RGPD2: variants seen among roughly 807,000 people sequenced by gnomAD.
RGPD2 encodes the protein RANBP2 like and GRIP domain containing 2, also known as RANBP2-like and GRIP domain-containing protein 2.
A neutral mutation model predicts 36.0 loss-of-function variants in RGPD2; 2 were observed. That is an observed-to-expected ratio of 0.06 (90% CI 0.02 to 0.17). The LOEUF (loss-of-function observed/expected upper bound fraction) is 0.17. Among genes scored for constraint, RGPD2 ranks in the 10% least tolerant of loss-of-function variants. The probability of loss-of-function intolerance (pLI) is 1.00; values close to 1 mark genes in which losing one functional copy is unlikely to be tolerated. For missense variants in RGPD2, 40 were observed against 464.3 expected, an observed-to-expected ratio of 0.09 and a Z score of 8.40; for synonymous variants, 19 against 163.8, an observed-to-expected ratio of 0.12 and a Z score of 6.75.
At chr2:87,769,481 G>T (rs1289601488) in intron 22 of RGPD2, among the ~76,000 whole-genome samples, 31 of 148,512 alleles carry the variant, frequency 2.1e-4, no homozygotes, top group Non-Finnish European at 1.5e-5. Context: ...TTTCTAATGT[G>T]TATCTCCTCT....
the RGPD2 span, among the ~76,000 whole-genome samples, chr2:87,940,340 G>C: frequency 6.6e-6 from 1 of 150,972 alleles, no homozygotes; most frequent in African/African-American, 2.4e-5. Context: ...CCAAAGCAAA[G>C]TTCTTTGCTA....
At chr2:87,972,572 C>A in the RGPD2 span, 2 of 859,082 alleles carry the variant, frequency 2.3e-6, no homozygotes, top group Non-Finnish European at 3.5e-6. Context: ...GGGCAGGGAC[C>A]ATGGCAGTGG....
chr2:87,911,661 G>A, the RGPD2 span, among the ~76,000 whole-genome samples: 1 of 152,012 alleles, frequency 6.6e-6, no homozygotes, highest in African/African-American at 2.4e-5. Flanking sequence ...TTGACTAACA[G>A]GAGTGTTTGA....
the RGPD2 span, among the ~76,000 whole-genome samples, chr2:87,936,359 G>A: frequency 8.8e-5 from 13 of 148,184 alleles, no homozygotes; most frequent in Admixed American, 2.7e-4. Flanking sequence ...AGGTAATCAT[G>A]GTATTGTTTC....
the RGPD2 span, among the ~76,000 whole-genome samples, chr2:87,892,271 TTGA>T: frequency 6.8e-6 from 1 of 147,110 alleles, no homozygotes; most frequent in Non-Finnish European, 1.5e-5. Flanking sequence ...AAGGCATTTC[TTGA>T]GATTATGCAT....
At position 87,789,854 on chromosome 2, in the gene RGPD2, G is replaced by A. The variant is rs1298375590; in HGVS notation, c.2464-1015C>T. Among the ~76,000 whole-genome samples, 3 of 151,608 alleles carry A rather than the reference G, an allele frequency of 2.0e-5. No homozygotes were observed. In the East Asian group the frequency reaches 5.8e-4, roughly 30 times the overall value. ...AGAGAAAGGGATGCAGGGAATAACA[G>A]CTGGAATTTGAACCACATCTGACTC... On this transcript the variant is annotated intron_variant, in intron 17 of 22. Coordinates refer to ENST00000398146, the MANE Select transcript of RGPD2 (RefSeq NM_001078170.3).
the RGPD2 span, among the ~76,000 whole-genome samples, chr2:87,875,369 G>A: frequency 9.3e-4 from 141 of 150,966 alleles, no homozygotes; most frequent in African/African-American, 3.2e-3. Flanking sequence ...CTATTTTGAG[G>A]TATGTTCCTT....
the RGPD2 span, among the ~76,000 whole-genome samples, chr2:87,938,373 G>A: frequency 4.6e-5 from 7 of 150,658 alleles, no homozygotes; most frequent in South Asian, 6.3e-4. Flanking sequence ...AATAAATGAC[G>A]AAAATCTTGA....
the RGPD2 span, among the ~76,000 whole-genome samples, chr2:87,934,576 A>G: frequency 2.6e-5 from 4 of 151,352 alleles, 1 homozygote; most frequent in South Asian, 8.3e-4. Context: ...TTATTTAGAC[A>G]GTTATTTGAT....
chr2:87,977,536 A>G, the RGPD2 span, among the ~76,000 whole-genome samples: 3 of 151,148 alleles, frequency 2.0e-5, no homozygotes, highest in African/African-American at 7.4e-5. Flanking sequence ...GTACAAGGCC[A>G]GGCGTGGTGG....
At chr2:87,964,539 A>G in the RGPD2 span, among the ~76,000 whole-genome samples, 1 of 152,086 alleles carries the variant, frequency 6.6e-6, no homozygotes, top group Non-Finnish European at 1.5e-5. Flanking sequence ...TTTCTGCATC[A>G]TTTTTCTTTT....
the RGPD2 span, among the ~76,000 whole-genome samples, chr2:87,843,822 A>C: frequency 6.6e-6 from 1 of 151,932 alleles, no homozygotes; most frequent in Non-Finnish European, 1.5e-5. Flanking sequence ...CAAATGTCCA[A>C]CAATGATAGA....
At chr2:87,864,458 A>G in the RGPD2 span, among the ~76,000 whole-genome samples, 4 of 152,350 alleles carry the variant, frequency 2.6e-5, no homozygotes, top group South Asian at 4.1e-4. Flanking sequence ...GACTGAAACT[A>G]TACCACTCTC....
the RGPD2 span, among the ~76,000 whole-genome samples, chr2:87,988,446 C>T: frequency 1.6e-5 from 2 of 123,934 alleles, no homozygotes; most frequent in Non-Finnish European, 3.4e-5. Flanking sequence ...ATTAAATATG[C>T]CAAGAATTAT....
At chr2:87,852,701 C>T in the RGPD2 span, among the ~76,000 whole-genome samples, 1,343 of 148,268 alleles carry the variant, frequency 9.1e-3, no homozygotes, top group African/African-American at 0.021. Flanking sequence ...GTTTCTACTG[C>T]GCAGAATGTT....
At chr2:87,886,388 C>G in the RGPD2 span, among the ~76,000 whole-genome samples, 32,286 of 150,698 alleles carry the variant, frequency 0.21, 3,733 homozygotes, top group Non-Finnish European at 0.26. Context: ...ATCAACTACA[C>G]TACCTATTGC....
the RGPD2 span, among the ~76,000 whole-genome samples, chr2:87,882,177 T>C: frequency 2.0e-5 from 3 of 152,276 alleles, no homozygotes; most frequent in African/African-American, 7.2e-5. Flanking sequence ...CGAAACTATG[T>C]TAAATGTCAC....
the RGPD2 span, among the ~76,000 whole-genome samples, chr2:87,846,659 T>TA: frequency 3.9e-5 from 6 of 152,182 alleles, no homozygotes; most frequent in South Asian, 1.2e-3. Flanking sequence ...CCAAAAGCCT[T>TA]AAACATCTGG....
chr2:87,988,541 A>ATATATTTTT, the RGPD2 span, among the ~76,000 whole-genome samples: 12 of 54,150 alleles, frequency 2.2e-4, no homozygotes, highest in African/African-American at 4.4e-4. Flanking sequence ...ATATATATAT[A>ATATATTTTT]TTTTTTTTTT....
Sources: gnomAD v4.1 joint callset for allele counts (sites outside exome capture counted in the v4.1 genomes callset) on GRCh38, gnomAD v4.1.1 for gene constraint, MANE v1.5 for transcripts, NCBI Gene and HGNC (gene_info 2026-07-23, HGNC 2026-07-21) for gene names.